The following CASK variants were observed in gnomAD, a reference collection of about 807,000 sequenced individuals.
The protein encoded by CASK is calcium/calmodulin dependent serine protein kinase.
Under a neutral mutation model 82.9 loss-of-function variants are expected in CASK, and 4 were observed. The ratio of observed to expected loss-of-function variants is 0.05; its 90% CI spans 0.02 to 0.11. CASK has a LOEUF of 0.11. Among genes scored for constraint, CASK ranks in the 10% least tolerant of loss-of-function variants. The pLI, the probability that CASK is intolerant of heterozygous loss-of-function variation, is 1.00. For missense variants in CASK, 358 were observed against 720.9 expected (o/e 0.50, Z 5.76); for synonymous variants, 259 against 253.5 (o/e 1.02, Z -0.20).
intron 5 of CASK, among the ~76,000 whole-genome samples, chrX:41,677,387 A>C (rs1293882283): frequency 9.0e-6 from 1 of 111,731 alleles, no homozygotes; most frequent in Non-Finnish European, 1.9e-5. Flanking sequence ...AATCTAGCAA[A>C]GAAAACAAGG....
intron 1 of CASK, among the ~76,000 whole-genome samples, chrX:41,890,242 G>GTGTGTA (rs1556297437): frequency 4.1e-3 from 139 of 34,243 alleles, no homozygotes; most frequent in African/African-American, 0.027. Flanking sequence ...GTGTGTGTAT[G>GTGTGTA]TGTGTGTGTG....
At chrX:41,720,603 C>T (rs1346084491) in intron 5 of CASK, among the ~76,000 whole-genome samples, 2 of 111,920 alleles carry the variant, frequency 1.8e-5, no homozygotes, top group African/African-American at 3.3e-5. Flanking sequence ...ACTTAAGAGG[C>T]CAGTTGCAGC....
intron 3 of CASK, among the ~76,000 whole-genome samples, chrX:41,749,348 CAA>C (rs772753827): frequency 2.3e-5 from 2 of 86,402 alleles, no homozygotes; most frequent in Admixed American, 2.6e-4. Context: ...TAATATTTGG[CAA>C]AAAAAAATCT....
At chrX:41,830,817 CA>C (rs780864898) in intron 2 of CASK, among the ~76,000 whole-genome samples, 157 of 36,945 alleles carry the variant, frequency 4.2e-3, no homozygotes, top group African/African-American at 0.016. Flanking sequence ...GAGACTCTGC[CA>C]AAAAAAAAAA....
At chrX:41,718,976 G>A (rs1022440792) in intron 5 of CASK, among the ~76,000 whole-genome samples, 2 of 112,388 alleles carry the variant, frequency 1.8e-5, no homozygotes, top group East Asian at 2.8e-4. Context: ...ACCTGGTGGC[G>A]TGGCCTGTGG....
At chrX:41,780,929 G>A (rs1225768728) in intron 3 of CASK, among the ~76,000 whole-genome samples, 1 of 111,301 alleles carries the variant, frequency 9.0e-6, no homozygotes, top group Admixed American at 9.6e-5. Flanking sequence ...GATTACAGGT[G>A]TAAGCCACCA....
At chrX:41,601,929 C>T (rs145615376) in intron 12 of CASK, among the ~76,000 whole-genome samples, 19 of 111,440 alleles carry the variant, frequency 1.7e-4, no homozygotes, top group African/African-American at 5.8e-4. Flanking sequence ...ATTGCATTGG[C>T]AATCTTGTTG....
intron 14 of CASK, among the ~76,000 whole-genome samples, chrX:41,580,741 A>G (rs2065563232): frequency 8.9e-6 from 1 of 112,269 alleles, no homozygotes; most frequent in Non-Finnish European, 1.9e-5. Context: ...TTAAAAGAGT[A>G]TATAAAATAA....
intron 6 of CASK, among the ~76,000 whole-genome samples, chrX:41,667,886 T>C (rs1423315625): frequency 8.9e-6 from 1 of 111,882 alleles, no homozygotes; most frequent in African/African-American, 3.3e-5. Context: ...ACTTCAGAGG[T>C]ATGCAAGAGT....
chrX:41,713,343 T>G (rs997039042), intron 5 of CASK, among the ~76,000 whole-genome samples: 4 of 112,112 alleles, frequency 3.6e-5, no homozygotes, highest in African/African-American at 9.7e-5. Context: ...GATGGAAAGG[T>G]AGATTTCCAG....
intron 26 of CASK, chrX:41,522,965 G>A (rs150586148): frequency 0.015 from 1,629 of 112,175 alleles, 14 homozygotes; most frequent in Non-Finnish European, 0.024. Flanking sequence ...AAAGAAACAC[G>A]GCTGTATTTC....
chrX:41,683,149 T>G (rs2067390050), intron 5 of CASK: 1 of 111,471 alleles, frequency 9.0e-6, no homozygotes, highest in African/African-American at 3.3e-5. Context: ...TTGACATTAT[T>G]TAATTTTAAT....
chrX:41,564,417 T>C (rs1429176890), intron 16 of CASK, among the ~76,000 whole-genome samples: 1 of 111,683 alleles, frequency 9.0e-6, no homozygotes, highest in African/African-American at 3.3e-5. Flanking sequence ...GTGAGTACAG[T>C]GGCGTGATCA....
intron 2 of CASK, among the ~76,000 whole-genome samples, chrX:41,850,431 A>G (rs2071240896): frequency 8.9e-6 from 1 of 111,873 alleles, no homozygotes; most frequent in Non-Finnish European, 1.9e-5. Flanking sequence ...GAAAACAAGA[A>G]AAAATATTGA....
At chrX:41,829,451 C>G (rs2070737755) in intron 2 of CASK, among the ~76,000 whole-genome samples, 1 of 106,625 alleles carries the variant, frequency 9.4e-6, no homozygotes, top group Non-Finnish European at 1.9e-5. Flanking sequence ...TTTTGTGTAA[C>G]AAAGTTCCAT....
chrX:41,671,893 A>C (rs781324655), intron 5 of CASK, among the ~76,000 whole-genome samples: 1 of 111,697 alleles, frequency 9.0e-6, no homozygotes, highest in South Asian at 3.7e-4. Context: ...TTAGGAAAAA[A>C]TATATTTTAC....
chrX:41,551,951 G>C (rs2065103847), intron 21 of CASK, among the ~76,000 whole-genome samples: 1 of 104,258 alleles, frequency 9.6e-6, no homozygotes, highest in African/African-American at 3.5e-5. Flanking sequence ...CCCGGACACA[G>C]AGTCTCACTC....
At chrX:41,789,963 T>C (rs1337132817) in intron 2 of CASK, among the ~76,000 whole-genome samples, 2 of 111,706 alleles carry the variant, frequency 1.8e-5, no homozygotes, top group Non-Finnish European at 3.8e-5. Flanking sequence ...AGAGTCTTGC[T>C]CTGTTGCCCA....
intron 12 of CASK, among the ~76,000 whole-genome samples, chrX:41,590,504 C>T (rs1184197659): frequency 1.5e-4 from 11 of 73,689 alleles, no homozygotes; most frequent in East Asian, 3.7e-4. Flanking sequence ...AGCGAGATTC[C>T]GTCTCCAAAA....
Sources: gnomAD v4.1 joint callset for allele counts (sites outside exome capture counted in the v4.1 genomes callset) on GRCh38, gnomAD v4.1.1 for gene constraint, MANE v1.5 for transcripts, NCBI Gene and HGNC (gene_info 2026-07-23, HGNC 2026-07-21) for gene names.